The following FAM200A variants were observed in gnomAD, a reference collection of about 807,000 sequenced individuals.
FAM200A encodes the protein protein FAM200A.
FAM200A carries 26 observed loss-of-function variants against 44.2 expected under a neutral mutation model. That is an observed-to-expected ratio of 0.59 (90% CI 0.43 to 0.82). The LOEUF (loss-of-function observed/expected upper bound fraction) is 0.82. Ranked by LOEUF, FAM200A falls within the 40% of genes least tolerant of loss-of-function variation. FAM200A has a pLI of 0.00. For synonymous variants in FAM200A, 206 were observed against 244.4 expected (o/e 0.84, Z 1.47); for missense variants, 606 against 669.5 (o/e 0.91, Z 1.05).
intron 1 of FAM200A, among the ~76,000 whole-genome samples, chr7:99,550,771 T>C (rs1802509786): frequency 6.6e-6 from 1 of 152,102 alleles, no homozygotes; most frequent in South Asian, 2.1e-4. Flanking sequence ...ATGTCCGAAA[T>C]TGCTCATTTA....
In FAM200A at chr7:99,548,316, T is replaced by G; in HGVS notation, c.92A>C (p.Asp31Ala). 1 of 1,614,226 alleles carries G rather than the reference T, an allele frequency of 6.2e-7. No individual in the cohort carries two copies. Among genetic ancestry groups the G allele is most frequent in the East Asian group, 2.2e-5 (1 of 44,884 alleles). Residue 31 changes from aspartate to alanine, a missense_variant, in exon 2 of 2, where the codon GAT (aspartate) becomes GCT (alanine). Transcript: ENST00000449309. ...GIVIVKVEEE[D>A]EEDHFQKERN... ...TTCCTTTTGAAAATGGTCTTCTTCA[T>G]CTTCCTCCTCCACCTTCACTATCAC...
Position 99,547,248 on chromosome 7 carries a change from G to C in FAM200A, c.1160C>G (p.Ala387Gly). 1 of 1,551,316 alleles carries C rather than the reference G, an allele frequency of 6.4e-7. No individual in the cohort carries two copies. Among genetic ancestry groups the C allele is most frequent in the South Asian group, 1.2e-5 (1 of 83,946 alleles). Residue 387 changes from alanine to glycine, a missense_variant, in exon 2 of 2, where the codon GCA becomes GGA. Physicochemically the swap from Ala to Gly is moderately conservative, Grantham distance 60. Coordinates refer to ENST00000449309, the MANE Select transcript of FAM200A (RefSeq NM_145111.4). Reference sequence around the variant, plus strand: ...GCTAGGGCGGTTACTTTTAAGTCTTGCTTGCCACAATAATAACGTCTTTTG... The same window carrying C: ...GCTAGGGCGGTTACTTTTAAGTCTTCCTTGCCACAATAATAACGTCTTTTG... ...GFQKTLLLWQ[A>G]RLKSNRPSYY...
Position 99,547,860 on chromosome 7 carries a change from G to C in FAM200A, c.548C>G (p.Thr183Ser). The change falls in exon 2 of 2, where the codon ACT becomes AGT. Residue 183 changes from threonine (T) to serine (S), a missense_variant. Coordinates refer to ENST00000449309, the MANE Select transcript of FAM200A (RefSeq NM_145111.4). ...TAATTCAGTAAATAAATCTAATCCA[G>C]TTATATGTGAATTTAAATTTAAACA... ...LCCLNLNSHI[T>S]GLDLFTELEN... 6.4e-7 allele frequency: 1 copy of C among 1,551,124 alleles called. No individual in the cohort carries two copies. Among genetic ancestry groups the C allele is most frequent in the Non-Finnish European group, 8.7e-7 (1 of 1,146,874 alleles).
Position 99,547,586 on chromosome 7 carries a change from G to A in FAM200A, c.822C>T (p.Ser274=), listed in dbSNP as rs777321281. 3 of 1,551,282 alleles carry A rather than the reference G, an allele frequency of 1.9e-6. No homozygotes were observed. The highest frequency in any genetic ancestry group is 1.4e-5 in the African/African-American group (1 of 73,040). The part of the protein sequence containing the change: ...AVKTVNFIKG[S]SLNSRLLEIF... ...TTTCGAGAAGTCGGCTATTCAGTGA[G>A]CTTCCTTTAATAAAATTAACAGTTT... Residue 274 remains serine, a synonymous_variant, in exon 2 of 2, where the codon AGC becomes AGT. Transcript: ENST00000449309.
At chr7:99,553,070 C>CACAT (rs1262148562), upstream of FAM200A, among the ~76,000 whole-genome samples, 532 of 73,968 alleles carry the variant, frequency 7.2e-3, 5 homozygotes, top group Non-Finnish European at 0.011. Context: ...TATACACACA[C>CACAT]ATATATATAT....
In FAM200A at chr7:99,548,051, G is replaced by A; in HGVS notation, c.357C>T (p.Ile119=). Reference sequence around the variant, plus strand: ...CTTCCAAATGTTTTGCAATCGTACAGATTCGACGAGATATTGTATTATCAC... The same window carrying A: ...CTTCCAAATGTTTTGCAATCGTACAAATTCGACGAGATATTGTATTATCAC... ...PLSDNTISRR[I]CTIAKHLEAM... Residue 119 remains isoleucine, a synonymous_variant, in exon 2 of 2, where the codon ATC becomes ATT. Coordinates refer to ENST00000449309, the MANE Select transcript of FAM200A (RefSeq NM_145111.4). 6.4e-7 allele frequency: 1 copy of A among 1,551,536 alleles called. No homozygotes were observed. Among genetic ancestry groups the A allele is most frequent in the Non-Finnish European group, 8.7e-7 (1 of 1,146,970 alleles).
upstream of FAM200A, among the ~76,000 whole-genome samples, chr7:99,555,742 C>T (rs956316767): frequency 1.3e-5 from 2 of 151,962 alleles, no homozygotes; most frequent in African/African-American, 2.4e-5. Flanking sequence ...AACCCCTCCA[C>T]TACTAAAATA....
At chr7:99,557,575 T>C (rs1354686951) in intron 1 of FAM200A, among the ~76,000 whole-genome samples, 1 of 152,222 alleles carries the variant, frequency 6.6e-6, no homozygotes, top group Non-Finnish European at 1.5e-5. Context: ...GACTAAGCAG[T>C]GCATTTTCTT....
upstream of FAM200A, among the ~76,000 whole-genome samples, chr7:99,554,613 A>C (rs1701880415): frequency 6.6e-6 from 1 of 152,158 alleles, no homozygotes; most frequent in African/African-American, 2.4e-5. Context: ...CCTAACCAAC[A>C]AGCCAAGCCA....
At chr7:99,557,002 C>T (rs1802702405), upstream of FAM200A, among the ~76,000 whole-genome samples, 3 of 152,220 alleles carry the variant, frequency 2.0e-5, no homozygotes, top group South Asian at 6.2e-4. Flanking sequence ...CGCCACTGCA[C>T]TCCAGCCTGG....
chr7:99,551,810 G>A (rs1399979202), intron 1 of FAM200A, 44 bp downstream of exon 1: 2 of 985,090 alleles, frequency 2.0e-6, no homozygotes, highest in Non-Finnish European at 2.4e-6. Flanking sequence ...TCCAGTCCCA[G>A]GGGTGTCTCC....
At position 99,548,481 on chromosome 7, in the gene FAM200A, G is replaced by T; in HGVS notation, c.-74C>A. 2 of 1,534,018 alleles carry T rather than the reference G, an allele frequency of 1.3e-6. No individual in the cohort carries two copies. Among genetic ancestry groups the T allele is most frequent in the Non-Finnish European group, 1.7e-6 (2 of 1,144,784 alleles). ...TGCAGGGCTGTCCTTTGTGACCTAGGTTTTATGAGATCAGGTTTTGCTATC... is the reference window on the plus strand; with the variant it reads ...TGCAGGGCTGTCCTTTGTGACCTAGTTTTTATGAGATCAGGTTTTGCTATC... On this transcript the variant is annotated 5_prime_UTR_variant, in exon 2 of 2. Transcript: ENST00000449309.
Position 99,546,788 on chromosome 7 carries a change from CTTCT to C in FAM200A, c.1616_1619del (p.Lys539ArgfsTer13), listed in dbSNP as rs1482190863. On this transcript the variant is annotated frameshift_variant, in exon 2 of 2. Transcript: ENST00000449309. LOFTEE classifies it high-confidence loss of function. Reference sequence around the variant, plus strand: ...CTGGTGCACTATTGAGCCTATTTCTCTTCTTTGTTTTTAACCGTGTCAAGATTGA... The same window carrying C: ...CTGGTGCACTATTGAGCCTATTTCTCTTGTTTTTAACCGTGTCAAGATTGA... 6.4e-7 allele frequency: 1 copy of C among 1,551,610 alleles called. No homozygotes were observed. The highest frequency in any genetic ancestry group is 8.7e-7 in the Non-Finnish European group (1 of 1,146,960).
At position 99,547,036 on chromosome 7, in the gene FAM200A, A is replaced by G; in HGVS notation, c.1372T>C (p.Phe458Leu). The change falls in exon 2 of 2, where the codon TTT becomes CTT. Residue 458 changes from phenylalanine to leucine, a missense_variant. Transcript: ENST00000449309. ...ENIWMKDPFAFQNPESIIELN... is the reference protein window; with the variant it reads ...ENIWMKDPFALQNPESIIELN... ...TCAATTATTGATTCTGGGTTTTGAAAAGCAAATGGATCTTTCATCCAAATA... is the reference window on the plus strand; with the variant it reads ...TCAATTATTGATTCTGGGTTTTGAAGAGCAAATGGATCTTTCATCCAAATA... The G allele has an allele frequency of 6.5e-7, 1 of 1,546,848 alleles. No individual in the cohort carries two copies. The highest frequency in any genetic ancestry group is 1.2e-5 in the South Asian group (1 of 82,558).
In FAM200A at chr7:99,546,662, C is replaced by T; in HGVS notation, c.*24G>A. 2 of 1,485,244 alleles carry T rather than the reference C, an allele frequency of 1.3e-6. No homozygotes were observed. Among genetic ancestry groups the T allele is most frequent in the African/African-American group, 1.4e-5 (1 of 70,624 alleles). The allele number at this position is 1,485,244 out of a possible 1,614,324, so 92.0% of individuals were successfully genotyped here. On this transcript the variant is annotated 3_prime_UTR_variant, in exon 2 of 2. Coordinates refer to ENST00000449309, the MANE Select transcript of FAM200A (RefSeq NM_145111.4). ...GCGTAAGCCACCACACCTGGCTATA[C>T]ACAGAATTTTGTAAAGTTTGTATTT...
Position 99,551,912 on chromosome 7 carries a change from A to C in FAM200A, c.-158T>G. 1.0e-6 allele frequency: 1 copy of C among 985,512 alleles called. No individual in the cohort carries two copies. The highest frequency in any genetic ancestry group is 1.2e-6 in the Non-Finnish European group (1 of 830,012). 61.0% of individuals were successfully genotyped at this position (985,512 alleles called of 1,614,324 possible). A position where few individuals can be genotyped will look rare whatever the true frequency, so the allele number is the denominator to read the frequency against. On this transcript the variant is annotated 5_prime_UTR_variant, in exon 1 of 2. Transcript: ENST00000449309. ...GCTTGCCACCGCCGAGGCTGGCGCGAGGAACGGGGGCACGGACCCGCTTCC... is the reference window on the plus strand; with the variant it reads ...GCTTGCCACCGCCGAGGCTGGCGCGCGGAACGGGGGCACGGACCCGCTTCC...
At chr7:99,550,047 A>AT (rs1330579051) in intron 1 of FAM200A, among the ~76,000 whole-genome samples, 2 of 152,256 alleles carry the variant, frequency 1.3e-5, no homozygotes, top group East Asian at 3.9e-4. Flanking sequence ...TTAAAGTATA[A>AT]TAAAAAAAAG....
intron 1 of FAM200A, among the ~76,000 whole-genome samples, chr7:99,550,359 T>A (rs924099467): frequency 2.0e-5 from 3 of 152,120 alleles, no homozygotes; most frequent in African/African-American, 7.2e-5. Context: ...TCCACCCACC[T>A]CGGCCTCCCA....
At chr7:99,551,713 A>AT (rs1802536454) in intron 1 of FAM200A, 141 bp downstream of exon 1, 1 of 622,830 alleles carries the variant, frequency 1.6e-6, no homozygotes, top group Non-Finnish European at 2.0e-6. Context: ...GGGAGCACAG[A>AT]TATCTGACTG....
Sources: allele counts gnomAD v4.1 joint callset (sites outside exome capture counted in the v4.1 genomes callset), GRCh38; gene constraint gnomAD v4.1.1; transcripts MANE v1.5; gene names NCBI Gene and HGNC (gene_info 2026-07-23, HGNC 2026-07-21).